SLC12A8: variants seen among roughly 807,000 people sequenced by gnomAD.
The protein encoded by SLC12A8 is solute carrier family 12 member 8, also known as cation-chloride cotransporter 9.
SLC12A8 carries 69 observed loss-of-function variants against 75.6 expected under a neutral mutation model. The observed-to-expected ratio is 0.91, with a 90% confidence interval of 0.75 to 1.11. The LOEUF (loss-of-function observed/expected upper bound fraction) is 1.11, where lower values mean the gene tolerates loss of function less well. Ranked by LOEUF, SLC12A8 falls within the 50% of genes most tolerant of loss-of-function variation. The pLI, the probability that SLC12A8 is intolerant of heterozygous loss-of-function variation, is 0.00. For missense variants in SLC12A8, 877 were observed against 896.7 expected (o/e 0.98, Z 0.28); for synonymous variants, 365 against 372.8 (o/e 0.98, Z 0.24).
intron 7 of SLC12A8, 141 bp downstream of exon 7, chr3:125,120,458 G>T: frequency 1.4e-6 from 1 of 724,158 alleles, no homozygotes; most frequent in Non-Finnish European, 2.4e-6. Context: ...CCAGCCCACC[G>T]AGTGTTAAAA....
At chr3:125,108,314 C>T (rs534510964) in intron 9 of SLC12A8, among the ~76,000 whole-genome samples, 188 bp from the exon 10 acceptor site, 2 of 152,232 alleles carry the variant, frequency 1.3e-5, no homozygotes, top group African/African-American at 4.8e-5. Context: ...CGAAATGCTT[C>T]ACACAGACTG....
intron 2 of SLC12A8, among the ~76,000 whole-genome samples, chr3:125,200,890 T>C (rs1432373610): frequency 6.6e-6 from 1 of 152,196 alleles, no homozygotes; most frequent in Non-Finnish European, 1.5e-5. Flanking sequence ...TTTGGCTTAG[T>C]GAGGGTTGCT....
At position 125,084,070 on chromosome 3, in the gene SLC12A8, C is replaced by G. The variant is rs75686093; in HGVS notation, c.1983-18G>C. The stretch of plus-strand genomic sequence containing the variant: ...GCAAGCTCCTGCAGTGAGAGAGACA[C>G]AGAGGATGGTGAGAAGGACAGAACA... On this transcript the variant is annotated intron_variant, in intron 13 of 13. Transcript: ENST00000469902. 3.9e-3 allele frequency: 6,218 copies of G among 1,605,758 alleles called. 191 individuals are homozygous for G. In the East Asian group the frequency reaches 0.088, roughly 23 times the overall value.
intron 5 of SLC12A8, among the ~76,000 whole-genome samples, chr3:125,170,772 G>A (rs551715756): frequency 2.4e-4 from 36 of 152,278 alleles, no homozygotes; most frequent in Admixed American, 1.4e-3. Context: ...AAAATTAGCC[G>A]AGCATGGTGG....
intron 4 of SLC12A8, among the ~76,000 whole-genome samples, chr3:125,183,844 C>T (rs1934717093): frequency 6.6e-6 from 1 of 152,058 alleles, no homozygotes; most frequent in South Asian, 2.1e-4. Flanking sequence ...CGTCTCCTCC[C>T]CTGACAAAGA....
chr3:125,096,370 C>T (rs1938712178), intron 10 of SLC12A8, among the ~76,000 whole-genome samples: 4 of 152,164 alleles, frequency 2.6e-5, no homozygotes, highest in Admixed American at 1.3e-4. Context: ...ATGGTATTTG[C>T]TTGTTTATCA....
chr3:125,142,754 G>A (rs973182394), intron 5 of SLC12A8, among the ~76,000 whole-genome samples: 1 of 152,236 alleles, frequency 6.6e-6, no homozygotes, highest in Non-Finnish European at 1.5e-5. Context: ...CGAACTCTCA[G>A]TAGCACAGTA....
chr3:125,161,127 G>A (rs571968759), intron 5 of SLC12A8, among the ~76,000 whole-genome samples: 39 of 152,276 alleles, frequency 2.6e-4, no homozygotes, highest in Admixed American at 1.6e-3. Flanking sequence ...CTCTTGTCTC[G>A]GCAGGGCTCA....
intron 4 of SLC12A8, among the ~76,000 whole-genome samples, chr3:125,185,210 C>T (rs1579532172): frequency 6.6e-6 from 1 of 152,104 alleles, no homozygotes; most frequent in East Asian, 1.9e-4. Context: ...ACCCCAGCTA[C>T]TCGGGAGGCT....
rs75179621 is a variant in SLC12A8 at position 125,088,498 on chromosome 3, T to C, written c.1922-128A>G. The C allele has an allele frequency of 4.9e-3, 3,514 of 719,958 alleles. 80 individuals carry two copies. In the African/African-American group the frequency reaches 0.052, roughly 11 times the overall value. 44.6% of individuals were successfully genotyped at this position (719,958 alleles called of 1,614,324 possible). ...CACAGAATTAACACAAATGTTTTCC[T>C]TTTTCAGTCTAAACAAATAATTTTC... On this transcript the variant is annotated intron_variant, in intron 12 of 13. Coordinates refer to ENST00000469902, the MANE Select transcript of SLC12A8 (RefSeq NM_024628.6).
At chr3:125,184,301 T>G (rs1156549501) in intron 4 of SLC12A8, among the ~76,000 whole-genome samples, 1 of 152,182 alleles carries the variant, frequency 6.6e-6, no homozygotes, top group Non-Finnish European at 1.5e-5. Flanking sequence ...ACTTTAAGTG[T>G]TAATATCTCC....
intron 2 of SLC12A8, among the ~76,000 whole-genome samples, chr3:125,191,308 C>T (rs914345036): frequency 6.6e-6 from 1 of 152,152 alleles, no homozygotes; most frequent in African/African-American, 2.4e-5. Flanking sequence ...CAAATGGAAA[C>T]CCTTTACTAA....
intron 9 of SLC12A8, among the ~76,000 whole-genome samples, chr3:125,109,244 T>A (rs1424303986): frequency 2.0e-5 from 3 of 152,156 alleles, no homozygotes; most frequent in Admixed American, 2.0e-4. Context: ...ACTCCCTCCC[T>A]TGGTGAGCTC....
chr3:125,128,728 C>T (rs1347385200), intron 6 of SLC12A8, among the ~76,000 whole-genome samples: 2 of 152,116 alleles, frequency 1.3e-5, no homozygotes, highest in African/African-American at 4.8e-5. Flanking sequence ...TCAGACTGTC[C>T]CTACTTGGGG....
intron 5 of SLC12A8, among the ~76,000 whole-genome samples, chr3:125,164,710 G>A (rs1010567752): frequency 9.9e-5 from 15 of 152,200 alleles, no homozygotes; most frequent in African/African-American, 1.4e-4. Context: ...GAGCCTGGGC[G>A]CCCATCTCTG....
chr3:125,198,504 A>T (rs929208622), intron 2 of SLC12A8, among the ~76,000 whole-genome samples: 3 of 152,004 alleles, frequency 2.0e-5, no homozygotes, highest in Admixed American at 2.0e-4. Context: ...GTGGTGGCGG[A>T]TGCCTGTAAT....
At chr3:125,161,241 A>G (rs2107777730) in intron 5 of SLC12A8, among the ~76,000 whole-genome samples, 1 of 152,240 alleles carries the variant, frequency 6.6e-6, no homozygotes, top group East Asian at 1.9e-4. Context: ...AGTTGAATGC[A>G]TTGGCCATTG....
intron 7 of SLC12A8, 26 bp from the exon 8 acceptor site, chr3:125,118,882 G>A (rs756018990): frequency 3.9e-6 from 6 of 1,533,058 alleles, no homozygotes; most frequent in East Asian, 2.3e-5. Context: ...GCAGAACAGA[G>A]CTGCCCCCGA....
chr3:125,092,148 T>C lies in SLC12A8; in HGVS notation c.1756A>G (p.Thr586Ala). ...TTGCACATGTGGGTATAGAAAGAAG[T>C]GGATCTTCTCCAGACATCTTGTTCT... Reference protein sequence around the residue: ...LQEQDVWRRSTSFYTHMCNPW... With the variant: ...LQEQDVWRRSASFYTHMCNPW... The change falls in exon 11 of 14, where the codon ACT becomes GCT. Residue 586 changes from threonine to alanine, a missense_variant. Transcript: ENST00000469902. 1 of 1,613,152 alleles carries C rather than the reference T, an allele frequency of 6.2e-7. No individual in the cohort carries two copies. Among genetic ancestry groups the C allele is most frequent in the Non-Finnish European group, 8.5e-7 (1 of 1,179,290 alleles).
Sources: allele counts gnomAD v4.1 joint callset (sites outside exome capture counted in the v4.1 genomes callset), GRCh38; gene constraint gnomAD v4.1.1; transcripts MANE v1.5; gene names NCBI Gene and HGNC (gene_info 2026-07-23, HGNC 2026-07-21).